The following ATL2 variants were observed in gnomAD, a reference collection of about 807,000 sequenced individuals.
ATL2 encodes atlastin-2.
A neutral mutation model predicts 73.9 loss-of-function variants in ATL2; 31 were observed. The ratio of observed to expected loss-of-function variants is 0.42; its 90% CI spans 0.32 to 0.57. The LOEUF (loss-of-function observed/expected upper bound fraction) is 0.57. Ranked by LOEUF, ATL2 falls within the 20% of genes least tolerant of loss-of-function variation. The pLI is 0.14. For missense variants in ATL2, 738 were observed against 702.6 expected (o/e 1.05, Z -0.57); for synonymous variants, 291 against 237.5 (o/e 1.23, Z -2.07).
chr2:38,315,281 T>G lies in ATL2; in HGVS notation c.654+3A>C. On this transcript the variant is annotated splice_donor_region_variant and intron_variant, in intron 5 of 12. Coordinates refer to ENST00000378954, the MANE Select transcript of ATL2 (RefSeq NM_001135673.4). ...AATAAAAATTAAAAAAAGAAATACGTACTTGCAAATGTTGAAGATCATCTT... is the reference window on the plus strand; with the variant it reads ...AATAAAAATTAAAAAAAGAAATACGGACTTGCAAATGTTGAAGATCATCTT... 1 of 1,485,366 alleles carries G rather than the reference T, an allele frequency of 6.7e-7. No individual in the cohort carries two copies. Among genetic ancestry groups the G allele is most frequent in the Non-Finnish European group, 8.9e-7 (1 of 1,126,342 alleles). The allele number at this position is 1,485,366 out of a possible 1,614,324, so 92.0% of individuals were successfully genotyped here. A position where few individuals can be genotyped will look rare whatever the true frequency, so the allele number is the denominator to read the frequency against.
chr2:38,340,077 CACATA>C (rs1398655508), intron 2 of ATL2, among the ~76,000 whole-genome samples: 1 of 147,450 alleles, frequency 6.8e-6, no homozygotes, highest in Non-Finnish European at 1.5e-5. Context: ...ATAAGCCAAA[CACATA>C]ATACCTATGG....
chr2:38,347,551 A>C (rs1042768669), intron 1 of ATL2, among the ~76,000 whole-genome samples: 5 of 151,972 alleles, frequency 3.3e-5, no homozygotes, highest in Admixed American at 3.3e-4. Flanking sequence ...TCAATTCCTA[A>C]AACAACCTTT....
chr2:38,374,077 GA>G (rs1432443202), intron 1 of ATL2, among the ~76,000 whole-genome samples: 2 of 152,192 alleles, frequency 1.3e-5, no homozygotes, highest in Non-Finnish European at 2.9e-5. Flanking sequence ...TTTTAGTAGA[GA>G]GGGGGTTTCT....
chr2:38,328,068 C>G (rs552446972), intron 2 of ATL2, among the ~76,000 whole-genome samples: 2 of 152,154 alleles, frequency 1.3e-5, no homozygotes, highest in African/African-American at 2.4e-5. Flanking sequence ...CATGCCAACA[C>G]TAATCAAAAG....
intron 1 of ATL2, among the ~76,000 whole-genome samples, chr2:38,348,809 C>T (rs1301556237): frequency 3.3e-5 from 5 of 152,030 alleles, no homozygotes; most frequent in Non-Finnish European, 7.4e-5. Flanking sequence ...CTACAATGAA[C>T]TCAAACAAAT....
At chr2:38,353,803 T>C (rs1367271531) in intron 1 of ATL2, among the ~76,000 whole-genome samples, 1 of 152,188 alleles carries the variant, frequency 6.6e-6, no homozygotes, top group African/African-American at 2.4e-5. Flanking sequence ...GACAAGGGAT[T>C]GATAGCTTTA....
At chr2:38,367,150 C>T (rs1007913849) in intron 1 of ATL2, among the ~76,000 whole-genome samples, 2 of 151,876 alleles carry the variant, frequency 1.3e-5, no homozygotes, top group African/African-American at 4.8e-5. Flanking sequence ...TAGAACTTTT[C>T]AGGTAGGTTT....
chr2:38,306,477 A>C (rs140691858), intron 9 of ATL2, among the ~76,000 whole-genome samples: 1 of 152,336 alleles, frequency 6.6e-6, no homozygotes, highest in African/African-American at 2.4e-5. Flanking sequence ...CTGTTGCAAA[A>C]ATCCTCAACA....
At chr2:38,303,183 C>A (rs1667272413) in intron 9 of ATL2, among the ~76,000 whole-genome samples, 1 of 152,078 alleles carries the variant, frequency 6.6e-6, no homozygotes, top group Non-Finnish European at 1.5e-5. Context: ...AACTGACATA[C>A]TGAAGAATGC....
At chr2:38,297,341 A>G (rs973275237) in intron 12 of ATL2, among the ~76,000 whole-genome samples, 1 of 152,222 alleles carries the variant, frequency 6.6e-6, no homozygotes, top group Non-Finnish European at 1.5e-5. Flanking sequence ...TCAAATGCCT[A>G]TTATAGCGTT....
rs1185845251 is a variant in ATL2, at chr2:38,294,545, C to A, written c.*1449G>T. Reference sequence around the variant, plus strand: ...CCTGGGTGACAGAGAGAGACTCCGTCTCAAAAAAGAAACAAACAAAACTAG... The same window carrying A: ...CCTGGGTGACAGAGAGAGACTCCGTATCAAAAAAGAAACAAACAAAACTAG... On this transcript the variant is annotated 3_prime_UTR_variant, in exon 13 of 13. Coordinates refer to ENST00000378954, the MANE Select transcript of ATL2 (RefSeq NM_001135673.4). Among the ~76,000 whole-genome samples the A allele has an allele frequency of 6.6e-6, 1 of 150,958 alleles. No individual in the cohort carries two copies. Among genetic ancestry groups the A allele is most frequent in the African/African-American group, 2.5e-5 (1 of 40,806 alleles).
chr2:38,363,337 G>A (rs1671117076), intron 1 of ATL2, among the ~76,000 whole-genome samples: 1 of 140,192 alleles, frequency 7.1e-6, no homozygotes, highest in Non-Finnish European at 1.5e-5. Flanking sequence ...CCTGAAAAAA[G>A]CTACCAAAAA....
rs1171319678 is a variant in ATL2, at chr2:38,318,891, T to C, written c.492A>G (p.Gly164=). Residue 164 remains glycine, a synonymous_variant, in exon 3 of 13, where the codon GGA becomes GGG. Coordinates refer to ENST00000378954, the MANE Select transcript of ATL2 (RefSeq NM_001135673.4). The part of the protein sequence containing the change: ...NEVFVIDRPN[G]TKVAVLLMDT... ...AGTATAAACAGAATTTTACTTTAGT[T>C]CCATTAGGTCTGTCAATCACAAATA... The C allele has an allele frequency of 6.2e-7, 1 of 1,611,092 alleles. No homozygotes were observed. Among genetic ancestry groups the C allele is most frequent in the Non-Finnish European group, 8.5e-7 (1 of 1,179,268 alleles).
At chr2:38,334,898 A>AT (rs1669238864) in intron 2 of ATL2, among the ~76,000 whole-genome samples, 1 of 136,188 alleles carries the variant, frequency 7.3e-6, no homozygotes, top group African/African-American at 2.7e-5. Flanking sequence ...TATAATATAT[A>AT]TTATTTATAA....
In ATL2 at chr2:38,310,297, G is replaced by A. The variant is rs772242400; in HGVS notation, c.943+12C>T. ...AATAAGTTCAGATTTTAGCAAGAAT[G>A]GGAATTCCCACCTTTCAATCTCCCA... On this transcript the variant is annotated intron_variant, in intron 8 of 12. Transcript: ENST00000378954. The A allele has an allele frequency of 1.2e-6, 2 of 1,608,448 alleles. No homozygotes were observed. Among genetic ancestry groups the A allele is most frequent in the Non-Finnish European group, 1.7e-6 (2 of 1,178,596 alleles).
intron 9 of ATL2, among the ~76,000 whole-genome samples, chr2:38,304,505 C>A (rs1667347438): frequency 6.6e-6 from 1 of 152,088 alleles, no homozygotes; most frequent in Non-Finnish European, 1.5e-5. Context: ...ATATTATTAA[C>A]AATAATTGTG....
chr2:38,296,544 C>T (rs755058555), intron 12 of ATL2: 20 of 1,613,858 alleles, frequency 1.2e-5, no homozygotes, highest in African/African-American at 4.0e-5. Flanking sequence ...TGAAAGAGCA[C>T]GGTGAACCAT....
chr2:38,346,445 C>T (rs1369138340), intron 1 of ATL2, among the ~76,000 whole-genome samples: 1 of 152,174 alleles, frequency 6.6e-6, no homozygotes, highest in African/African-American at 2.4e-5. Flanking sequence ...GTACTCACCG[C>T]CAATCTCTGT....
Position 38,298,409 on chromosome 2 carries a change from T to G in ATL2, c.1367A>C (p.Tyr456Ser). The G allele has an allele frequency of 6.2e-7, 1 of 1,614,174 alleles. No homozygotes were observed. The highest frequency in any genetic ancestry group is 8.5e-7 in the Non-Finnish European group (1 of 1,180,022). Reference protein sequence around the residue: ...DQLEAEIEETYANFIKHNDGK... With the variant: ...DQLEAEIEETSANFIKHNDGK... ...ATCATTGTGCTTTATAAAATTTGCA[T>G]AGGTTTCTTCAATTTCAGCTTCAAG... The change falls in exon 12 of 13, where the codon TAT becomes TCT. Residue 456 changes from tyrosine to serine, a missense_variant. Coordinates refer to ENST00000378954, the MANE Select transcript of ATL2 (RefSeq NM_001135673.4).
Sources: allele counts gnomAD v4.1 joint callset (sites outside exome capture counted in the v4.1 genomes callset), GRCh38; gene constraint gnomAD v4.1.1; transcripts MANE v1.5; gene names NCBI Gene and HGNC (gene_info 2026-07-23, HGNC 2026-07-21).